Variants in SMARCAL1 observed in about 807,000 individuals in gnomAD.
SMARCAL1 encodes ATP-driven annealing helicase.
Under a neutral mutation model 94.5 loss-of-function variants are expected in SMARCAL1, and 58 were observed. That is an observed-to-expected ratio of 0.61 (90% CI 0.50 to 0.76). The LOEUF is 0.76. Among genes scored for constraint, SMARCAL1 ranks in the 30% least tolerant of loss-of-function variants. SMARCAL1 has a pLI of 0.00. For missense variants in SMARCAL1, 1,051 were observed against 1,177.9 expected (o/e 0.89, Z 1.58); for synonymous variants, 422 against 455.1 (o/e 0.93, Z 0.93).
intron 10 of SMARCAL1, 185 bp from the exon 11 acceptor site, chr2:216,446,833 G>T: frequency 1.4e-6 from 1 of 694,352 alleles, no homozygotes; most frequent in Non-Finnish European, 2.6e-6. Flanking sequence ...CAGAGGGCAG[G>T]CAGGGAGGAT....
At chr2:216,415,611 T>C (rs998255125) in intron 3 of SMARCAL1, 96 bp downstream of exon 3, 1 of 1,135,692 alleles carries the variant, frequency 8.8e-7, no homozygotes, top group Non-Finnish European at 1.3e-6. Flanking sequence ...AGAGAGTGCA[T>C]TGGCACATGC....
intron 6 of SMARCAL1, chr2:216,427,497 G>A (rs1274653646): frequency 6.6e-6 from 1 of 152,366 alleles, no homozygotes; most frequent in East Asian, 1.9e-4. Flanking sequence ...GTTTCTGAAA[G>A]CACAAGGAGT....
intron 5 of SMARCAL1, among the ~76,000 whole-genome samples, chr2:216,421,219 G>T (rs1176485579): frequency 2.6e-5 from 4 of 152,072 alleles, no homozygotes; most frequent in African/African-American, 4.8e-5. Context: ...GTTTGTTTTG[G>T]TTTTTTTAAT....
intron 13 of SMARCAL1, among the ~76,000 whole-genome samples, chr2:216,465,522 C>G (rs1390085377): frequency 6.6e-6 from 1 of 152,222 alleles, no homozygotes; most frequent in Non-Finnish European, 1.5e-5. Context: ...GTTGTCACGC[C>G]TAGTTCTATT....
At chr2:216,417,819 C>A (rs573673983) in intron 4 of SMARCAL1, among the ~76,000 whole-genome samples, 1 of 152,264 alleles carries the variant, frequency 6.6e-6, no homozygotes, top group Admixed American at 6.5e-5. Flanking sequence ...CAGTGGTTTC[C>A]CCTGTTGCGG....
intron 10 of SMARCAL1, among the ~76,000 whole-genome samples, chr2:216,443,757 G>A (rs114828200): frequency 0.011 from 1,613 of 152,286 alleles, 44 homozygotes; most frequent in African/African-American, 0.037. Flanking sequence ...AGTGGTAGGT[G>A]GCCTTCTGCC....
chr2:216,433,774 C>T (rs1199147667), intron 8 of SMARCAL1, among the ~76,000 whole-genome samples: 2 of 152,108 alleles, frequency 1.3e-5, no homozygotes, highest in African/African-American at 4.8e-5. Context: ...CCTGGTCCAT[C>T]GTCCACAGCT....
intron 12 of SMARCAL1, among the ~76,000 whole-genome samples, chr2:216,459,153 A>G (rs542506028): frequency 6.6e-6 from 1 of 152,332 alleles, no homozygotes; most frequent in East Asian, 1.9e-4. Flanking sequence ...TTCAAGGAGA[A>G]CTAAAAACCA....
At chr2:216,426,123 A>T (rs925984360) in intron 6 of SMARCAL1, among the ~76,000 whole-genome samples, 1 of 152,230 alleles carries the variant, frequency 6.6e-6, no homozygotes, top group Non-Finnish European at 1.5e-5. Context: ...TGGCCTCCCA[A>T]AGTGCTGGGA....
At position 216,464,722 on chromosome 2, in the gene SMARCAL1, A is replaced by AC. The variant is rs113932343; in HGVS notation, c.2141+55_2141+56insC. ...CTCTCTCATCTTCAAAAAAAAAAAA[A>AC]ACAACTTATTACTTTATTCTGCCTG... On this transcript the variant is annotated intron_variant, in intron 13 of 17. Coordinates refer to ENST00000357276, the MANE Select transcript of SMARCAL1 (RefSeq NM_014140.4). The AC allele has an allele frequency of 6.4e-5, 78 of 1,213,570 alleles. No homozygotes were observed. The African/African-American group carries it at 1.0e-3, about 16-fold the overall frequency. 75.2% of individuals were successfully genotyped at this position (1,213,570 alleles called of 1,614,324 possible).
rs758387639 is a variant in SMARCAL1, at chr2:216,415,497, C to A, written c.793C>A (p.Leu265Met). 2 of 1,613,198 alleles carry A rather than the reference C, an allele frequency of 1.2e-6. No homozygotes were observed. Among genetic ancestry groups the A allele is most frequent in the Non-Finnish European group, 1.7e-6 (2 of 1,179,756 alleles). ...GGAACTCATTGCAGTGTTTAAGACC[C>A]TGCCCAGCAAGAATTATGGTAATGT... ...NAELIAVFKT[L>M]PSKNYDPDTK... The change falls in exon 3 of 18, where the codon CTG becomes ATG. Residue 265 changes from leucine to methionine, a missense_variant. Around this residue, in one of 3 missense-constraint regions of SMARCAL1, gnomAD observed 398 missense variants for 395.2 expected, o/e 1.01. Coordinates refer to ENST00000357276, the MANE Select transcript of SMARCAL1 (RefSeq NM_014140.4).
intron 12 of SMARCAL1, among the ~76,000 whole-genome samples, chr2:216,461,078 G>A (rs1269382068): frequency 6.6e-6 from 1 of 151,652 alleles, no homozygotes; most frequent in Middle Eastern, 3.2e-3. Flanking sequence ...GTGTGTGTGT[G>A]TGTGTGTGTG....
At chr2:216,469,499 T>C (rs1054402536) in intron 14 of SMARCAL1, among the ~76,000 whole-genome samples, 1 of 152,038 alleles carries the variant, frequency 6.6e-6, no homozygotes, top group Non-Finnish European at 1.5e-5. Flanking sequence ...TTAGCCAGGA[T>C]GGTCTCGATC....
rs576961380 is a variant in SMARCAL1, at chr2:216,455,336, A to G, written c.2070+4272A>G. 3.9e-5 allele frequency among the ~76,000 whole-genome samples: 6 copies of G among 152,352 alleles called. No individual in the cohort carries two copies. In the South Asian group the frequency reaches 1.2e-3, roughly 32 times the overall value. On this transcript the variant is annotated intron_variant, in intron 12 of 17. Transcript: ENST00000357276. ...GCAGACTTAAATGTCCCTGTCTGAC[A>G]GCTTTGAAGAGAGTAGTGGTTCTTC...
At chr2:216,439,033 C>T (rs1403654725) in intron 10 of SMARCAL1, among the ~76,000 whole-genome samples, 2 of 152,134 alleles carry the variant, frequency 1.3e-5, no homozygotes, top group African/African-American at 2.4e-5. Context: ...CTAAGATGGG[C>T]CTTAAAAGCT....
chr2:216,435,572 T>A, intron 9 of SMARCAL1, 76 bp downstream of exon 9: 1 of 1,285,004 alleles, frequency 7.8e-7, no homozygotes, highest in Non-Finnish European at 1.1e-6. Flanking sequence ...AGAACTTTCA[T>A]GTCTGTAATC....
chr2:216,475,442 G>A lies in SMARCAL1; in HGVS notation c.2418G>A (p.Trp806Ter). The A allele has an allele frequency of 6.2e-7, 1 of 1,614,200 alleles. No individual in the cohort carries two copies. The highest frequency in any genetic ancestry group is 1.3e-5 in the African/African-American group (1 of 75,044). ...TGGTGGTGTTTGCTGAGCTGTTTTG[G>A]AACCCAGGGGTAAGAGACGCAGAAG... ...ADLVVFAELF[W>*]NPGVLIQAED... The change falls in exon 15 of 18, where the codon TGG (tryptophan) becomes TGA (stop). Residue 806 changes from tryptophan (W) to a stop codon, truncating the protein, a stop_gained. Coordinates refer to ENST00000357276, the MANE Select transcript of SMARCAL1 (RefSeq NM_014140.4). LOFTEE classifies it high-confidence loss of function. The surrounding 1 kb of genome is among the most constrained non-coding windows in gnomAD (Gnocchi z 4.4).
In SMARCAL1 at chr2:216,447,113, C is replaced by T; in HGVS notation, c.1806C>T (p.Phe602=). ...TCATCGCAGTCAAGCCAACTTTCTT[C>T]CCCCAGTTTCATGCCTTTGGACTTC... The part of the protein sequence containing the change: ...TQIIAVKPTF[F]PQFHAFGLRY... The change falls in exon 11 of 18, where the codon TTC becomes TTT. Residue 602 remains phenylalanine (F), a synonymous_variant. Transcript: ENST00000357276. 2 of 1,614,070 alleles carry T rather than the reference C, an allele frequency of 1.2e-6. No homozygotes were observed. The highest frequency in any genetic ancestry group is 1.7e-5 in the Admixed American group (1 of 60,008).
chr2:216,433,424 A>G (rs1238228567), intron 8 of SMARCAL1, among the ~76,000 whole-genome samples: 1 of 152,110 alleles, frequency 6.6e-6, no homozygotes, highest in Non-Finnish European at 1.5e-5. Flanking sequence ...ATTTTCCTCA[A>G]TCCCATGACA....
Sources: allele counts gnomAD v4.1 joint callset (sites outside exome capture counted in the v4.1 genomes callset), GRCh38; gene constraint gnomAD v4.1.1; regional missense constraint gnomAD v4.1.1; non-coding constraint Gnocchi (gnomAD v3.1); transcripts MANE v1.5; gene names NCBI Gene and HGNC (gene_info 2026-07-23, HGNC 2026-07-21).